TULP3: variants seen among roughly 807,000 people sequenced by gnomAD.
The protein encoded by TULP3 is tubby-related protein 3.
In TULP3, 38 loss-of-function variants were observed where a neutral mutation model predicts 50.7. That is an observed-to-expected ratio of 0.75 (90% CI 0.58 to 0.98). The LOEUF (loss-of-function observed/expected upper bound fraction) is 0.98. TULP3 is among the 50% of genes least tolerant of loss of function. The pLI is 0.00. For synonymous variants in TULP3, 183 were observed against 196.6 expected (o/e 0.93, Z 0.58); for missense variants, 550 against 568.0 (o/e 0.97, Z 0.32).
intron 1 of TULP3, among the ~76,000 whole-genome samples, chr12:2,895,964 G>A (rs1392392117): frequency 6.7e-6 from 1 of 148,380 alleles, no homozygotes; most frequent in African/African-American, 2.5e-5. Context: ...TTTTGAGACG[G>A]AGTCGCATCT....
At chr12:2,896,799 A>G (rs188849260) in intron 1 of TULP3, among the ~76,000 whole-genome samples, 96 of 152,310 alleles carry the variant, frequency 6.3e-4, no homozygotes, top group Middle Eastern at 6.8e-3. Flanking sequence ...TAGAGCATCT[A>G]TGAGTTTCAT....
chr12:2,917,892 T>G (rs571708419), intron 2 of TULP3, among the ~76,000 whole-genome samples: 12 of 146,262 alleles, frequency 8.2e-5, no homozygotes, highest in African/African-American at 2.6e-4. Context: ...AAAAAGAAAA[T>G]ATTTTCCTTG....
In TULP3 at chr12:2,909,649, C is replaced by G. The variant is rs2098184347; in HGVS notation, c.93+69C>G. 2.0e-6 allele frequency: 3 copies of G among 1,470,040 alleles called. No individual in the cohort carries two copies. The South Asian group carries it at 3.7e-5, about 18-fold the overall frequency. 91.1% of individuals were successfully genotyped at this position (1,470,040 alleles called of 1,614,324 possible). A position where few individuals can be genotyped will look rare whatever the true frequency, so the allele number is the denominator to read the frequency against. On this transcript the variant is annotated intron_variant, in intron 2 of 10. Coordinates refer to ENST00000448120, the MANE Select transcript of TULP3 (RefSeq NM_003324.5). Reference sequence around the variant, plus strand: ...GACCGTGATGCTGATGGTCTTGGCTCTGAAGCCTTTGGCAGGGCTATGGAA... The same window carrying G: ...GACCGTGATGCTGATGGTCTTGGCTGTGAAGCCTTTGGCAGGGCTATGGAA...
chr12:2,934,472 A>G lies in TULP3; in HGVS notation c.835A>G (p.Thr279Ala), dbSNP rs1191415245. 1 of 1,596,838 alleles carries G rather than the reference A, an allele frequency of 6.3e-7. No homozygotes were observed. Among genetic ancestry groups the G allele is most frequent in the Admixed American group, 1.8e-5 (1 of 57,038 alleles). ...LRSNLMGTKF[T>A]VYDRGICPMK... ...ATCCAACCTCATGGGGACCAAGTTT[A>G]CAGTTTATGACCGTGGCATCTGCCC... Residue 279 changes from threonine to alanine, a missense_variant, in exon 8 of 11, where the codon ACA becomes GCA. Coordinates refer to ENST00000448120, the MANE Select transcript of TULP3 (RefSeq NM_003324.5).
chr12:2,933,357 G>T, intron 6 of TULP3, 61 bp from the exon 7 acceptor site: 1 of 1,007,230 alleles, frequency 9.9e-7, no homozygotes, highest in South Asian at 1.3e-5. Context: ...GGACAACCAT[G>T]ACCAGAGGTG....
Position 2,940,091 on chromosome 12 carries a change from T to TTA in TULP3, c.*652_*653dup. 1 of 1,289,682 alleles carries TTA rather than the reference T, an allele frequency of 7.8e-7. No individual in the cohort carries two copies. The allele number at this position is 1,289,682 out of a possible 1,614,324, so 79.9% of individuals were successfully genotyped here. A position where few individuals can be genotyped will look rare whatever the true frequency, so the allele number is the denominator to read the frequency against. On this transcript the variant is annotated 3_prime_UTR_variant, in exon 11 of 11. Transcript: ENST00000448120. ...ATTTGTGATCAATTATGTGAGAATT[T>TTA]TATATAATTGTCTTCATTTCAATTA...
chr12:2,896,276 G>C (rs1317029278), intron 1 of TULP3, among the ~76,000 whole-genome samples: 1 of 152,202 alleles, frequency 6.6e-6, no homozygotes, highest in Non-Finnish European at 1.5e-5. Context: ...GACCCCTGTT[G>C]TATATGCAGT....
At position 2,922,271 on chromosome 12, in the gene TULP3, G is replaced by T. The variant is rs1379816918; in HGVS notation, c.263G>T (p.Gly88Val). ...HSNVILHGID[G>V]PAAVLKPDEV... ...TTATTTTGGCCCTTAGGTATTGATG[G>T]TCCAGCTGCTGTCCTGAAACCAGAC... Residue 88 changes from glycine (G) to valine (V), a missense_variant, in exon 4 of 11, where the codon GGT becomes GTT. Gly to Val is a moderately radical substitution (Grantham distance 109). Coordinates refer to ENST00000448120, the MANE Select transcript of TULP3 (RefSeq NM_003324.5). The T allele has an allele frequency of 9.9e-6, 16 of 1,612,422 alleles. No homozygotes were observed. The highest frequency in any genetic ancestry group is 1.1e-5 in the Non-Finnish European group (13 of 1,179,676).
Position 2,921,423 on chromosome 12 carries a change from G to A in TULP3, c.253+501G>A, listed in dbSNP as rs1027026280. Among the ~76,000 whole-genome samples the A allele has an allele frequency of 1.6e-4, 24 of 151,866 alleles. No individual in the cohort carries two copies. The East Asian group carries it at 4.3e-3, about 27-fold the overall frequency. On this transcript the variant is annotated intron_variant, in intron 3 of 10. Coordinates refer to ENST00000448120, the MANE Select transcript of TULP3 (RefSeq NM_003324.5). The stretch of plus-strand genomic sequence containing the variant: ...CCCAAAGTGCTGGGATTACAGGCTT[G>A]AGCCACCATGCCCGGCAAGAACTGT...
At chr12:2,930,998 T>A in intron 5 of TULP3, 39 bp from the exon 6 acceptor site, 1 of 1,609,092 alleles carries the variant, frequency 6.2e-7, no homozygotes, top group East Asian at 2.2e-5. Flanking sequence ...AGATTTTGAG[T>A]CTCGGCCTGT....
At chr12:2,904,205 T>C (rs1251812824) in intron 1 of TULP3, among the ~76,000 whole-genome samples, 1 of 152,238 alleles carries the variant, frequency 6.6e-6, no homozygotes, top group East Asian at 1.9e-4. Context: ...CTAATGTCTC[T>C]TTCCTAGTCT....
intron 1 of TULP3, among the ~76,000 whole-genome samples, chr12:2,891,649 A>T (rs1603503583): frequency 6.6e-6 from 1 of 152,206 alleles, no homozygotes; most frequent in African/African-American, 2.4e-5. Flanking sequence ...TAGGTTAATG[A>T]GAAGTTAATG....
chr12:2,924,728 C>T (rs1030716180), intron 4 of TULP3, among the ~76,000 whole-genome samples: 1 of 149,276 alleles, frequency 6.7e-6, no homozygotes, highest in Non-Finnish European at 1.5e-5. Flanking sequence ...GTGGCTCATG[C>T]CTATAACCCC....
chr12:2,899,364 A>C (rs1327333594), intron 1 of TULP3, among the ~76,000 whole-genome samples: 1 of 151,492 alleles, frequency 6.6e-6, no homozygotes, highest in Non-Finnish European at 1.5e-5. Flanking sequence ...AAAAAAAAAA[A>C]CAGCGAAATT....
chr12:2,908,791 GT>G (rs1012634166), intron 1 of TULP3, among the ~76,000 whole-genome samples: 3 of 151,960 alleles, frequency 2.0e-5, no homozygotes, highest in Non-Finnish European at 4.4e-5. Flanking sequence ...CATTTTTATT[GT>G]TTTTTTCCTT....
At chr12:2,911,519 A>ATTTT (rs56138646) in intron 2 of TULP3, among the ~76,000 whole-genome samples, 71,529 of 150,022 alleles carry the variant, frequency 0.48, 17,521 homozygotes, top group African/African-American at 0.6. Flanking sequence ...CGCCAGGCTA[A>ATTTT]TTTATTTTTT....
At position 2,891,594 on chromosome 12, in the gene TULP3, G is replaced by GA. The variant is rs928142094; in HGVS notation, c.41+614dup. On this transcript the variant is annotated intron_variant, in intron 1 of 10. Coordinates refer to ENST00000448120, the MANE Select transcript of TULP3 (RefSeq NM_003324.5). ...TTTCTCTGCCAGAGGGAGAGCCTCG[G>GA]AAAAAAAAGGATCCAAAATCTCAGC... Among the ~76,000 whole-genome samples the GA allele has an allele frequency of 5.9e-5, 9 of 151,940 alleles. No homozygotes were observed. In the South Asian group the frequency reaches 6.2e-4, roughly 11 times the overall value.
chr12:2,911,622 C>T (rs2098185658), intron 2 of TULP3, among the ~76,000 whole-genome samples: 1 of 141,368 alleles, frequency 7.1e-6, no homozygotes, highest in Non-Finnish European at 1.5e-5. Flanking sequence ...GCCTTAGCCT[C>T]CCAAAGTGCT....
intron 1 of TULP3, among the ~76,000 whole-genome samples, chr12:2,899,779 G>C (rs1218690713): frequency 6.6e-6 from 1 of 151,980 alleles, no homozygotes; most frequent in African/African-American, 2.4e-5. Context: ...TGTAGTCTTA[G>C]TTACTCGGGA....
Sources: gnomAD v4.1 joint callset for allele counts (sites outside exome capture counted in the v4.1 genomes callset) on GRCh38, gnomAD v4.1.1 for gene constraint, MANE v1.5 for transcripts, NCBI Gene and HGNC (gene_info 2026-07-23, HGNC 2026-07-21) for gene names.